Variants in C2 observed in about 807,000 individuals in gnomAD.
The protein encoded by C2 is complement C2, also known as C3/C5 convertase.
C2 carries 64 observed loss-of-function variants against 85.2 expected under a neutral mutation model. That is an observed-to-expected ratio of 0.75 (90% confidence interval 0.61 to 0.92). The LOEUF is 0.92. Ranked by LOEUF, C2 falls within the 40% of genes least tolerant of loss-of-function variation. The pLI, the probability that C2 is intolerant of heterozygous loss-of-function variation, is 0.00. For missense variants in C2, 820 were observed against 971.6 expected, an observed-to-expected ratio of 0.84 and a Z score of 2.07; for synonymous variants, 311 against 370.8, an observed-to-expected ratio of 0.84 and a Z score of 1.85.
In C2 at chr6:31,927,736, C is replaced by T. The variant is rs1452267491; in HGVS notation, c.-17C>T. Reference sequence around the variant, plus strand: ...TCCCGCGGCTCTCTACCTCTCGCCGCCCCTAGGGAGGACACCATGGGCCCA... The same window carrying T: ...TCCCGCGGCTCTCTACCTCTCGCCGTCCCTAGGGAGGACACCATGGGCCCA... On this transcript the variant is annotated 5_prime_UTR_variant, in exon 1 of 18. Coordinates refer to ENST00000299367, the MANE Select transcript of C2 (RefSeq NM_000063.6). The surrounding 1 kb of genome is among the most constrained non-coding windows in gnomAD (Gnocchi z 4.7). 1 of 1,613,080 alleles carries T rather than the reference C, an allele frequency of 6.2e-7. No individual in the cohort carries two copies. The highest frequency in any genetic ancestry group is 1.1e-5 in the South Asian group (1 of 91,086).
chr6:31,943,994 G>C lies in C2; in HGVS notation c.1810+1G>C. The C allele has an allele frequency of 6.2e-7, 1 of 1,612,866 alleles. No individual in the cohort carries two copies. The highest frequency in any genetic ancestry group is 1.1e-5 in the South Asian group (1 of 91,080). On this transcript the variant is annotated splice_donor_variant, in intron 14 of 17. Transcript: ENST00000299367. LOFTEE classifies it high-confidence loss of function. The surrounding 1 kb of genome is among the most constrained non-coding windows in gnomAD (Gnocchi z 6.4). The stretch of plus-strand genomic sequence containing the variant: ...CAAGGCAGCACCTGTAGGGACCATG[G>C]TGAGTGCTGGGACTTATGGTGCTTG...
At chr6:31,936,168 G>A (rs969072854) in intron 7 of C2, 107 bp downstream of exon 7, 17 of 1,243,440 alleles carry the variant, frequency 1.4e-5, no homozygotes, top group Non-Finnish European at 1.9e-5. Flanking sequence ...CCTCTTGGTG[G>A]CACCTGAGTC....
chr6:31,903,446 A>G (rs1360986869), intron 1 of C2, among the ~76,000 whole-genome samples: 6 of 152,086 alleles, frequency 3.9e-5, no homozygotes, highest in Non-Finnish European at 8.8e-5. Flanking sequence ...CCTGGCCAAC[A>G]TGGTGAAACC....
chr6:31,929,391 T>C (rs780267086), intron 3 of C2, among the ~76,000 whole-genome samples: 5 of 152,180 alleles, frequency 3.3e-5, no homozygotes. Context: ...TGACCTGAGA[T>C]TGCCATCTGG....
upstream of C2, chr6:31,899,923 C>T (rs760451279): frequency 4.5e-6 from 7 of 1,571,560 alleles, no homozygotes; most frequent in African/African-American, 4.0e-5. Context: ...CACGCCTGCG[C>T]GGCTAGCGGA....
At position 31,943,504 on chromosome 6, in the gene C2, A is replaced by G. The variant is rs535505333; in HGVS notation, c.1544A>G (p.His515Arg). ...AAHCFRDGND[H>R]SLWRVNVGDP... The stretch of plus-strand genomic sequence containing the variant: ...CATTGCTTCCGCGATGGCAACGACC[A>G]CTCCCTGTGGAGGGTCAATGTGGGT... The change falls in exon 12 of 18, where the codon CAC becomes CGC. Residue 515 changes from histidine (H) to arginine (R), a missense_variant. Physicochemically the swap from His to Arg is conservative, Grantham distance 29. Coordinates refer to ENST00000299367, the MANE Select transcript of C2 (RefSeq NM_000063.6). The surrounding 1 kb of genome is among the most constrained non-coding windows in gnomAD (Gnocchi z 6.4). 8 of 1,612,814 alleles carry G rather than the reference A, an allele frequency of 5.0e-6. No individual in the cohort carries two copies. The East Asian group carries it at 6.7e-5, about 13-fold the overall frequency.
chr6:31,909,603 CTT>C (rs879276738), intron 1 of C2, among the ~76,000 whole-genome samples: 1 of 144,384 alleles, frequency 6.9e-6, no homozygotes. Flanking sequence ...CCGCCCACCT[CTT>C]TTTTTTTTTT....
chr6:31,933,518 TG>T, intron 3 of C2, 91 bp from the exon 4 acceptor site: 1 of 1,401,120 alleles, frequency 7.1e-7, no homozygotes. Flanking sequence ...GGGTTGGAAC[TG>T]GGAAGCTTCT....
chr6:31,939,193 A>G (rs1461494535), intron 8 of C2, 38 bp from the exon 9 acceptor site: 2 of 1,436,572 alleles, frequency 1.4e-6, no homozygotes, highest in South Asian at 1.1e-5. Context: ...GGAAATCCTG[A>G]TATTACCTAG....
intron 1 of C2, among the ~76,000 whole-genome samples, chr6:31,912,241 A>C (rs1329313136): frequency 6.6e-6 from 1 of 152,160 alleles, no homozygotes. Flanking sequence ...GCAGTTGTAC[A>C]CCAGCCATGA....
Position 31,943,713 on chromosome 6 carries a change from T to G in C2, c.1637T>G (p.Val546Gly), listed in dbSNP as rs758469964. The change falls in exon 13 of 18, where the codon GTC (valine) becomes GGC (glycine). Residue 546 changes from valine (V) to glycine (G), a missense_variant. By Grantham distance (109) the Val-to-Gly change is moderately radical. Transcript: ENST00000299367. This position sits in a 1 kb window ranked among gnomAD's most constrained non-coding sequence, Gnocchi z 6.4. ...EKAVISPGFD[V>G]FAKKNQGILE... ...GCGGTGATCTCCCCAGGGTTTGATG[T>G]CTTTGCCAAAAAGAACCAGGGAATC... 1 of 1,613,026 alleles carries G rather than the reference T, an allele frequency of 6.2e-7. No homozygotes were observed. The highest frequency in any genetic ancestry group is 8.5e-7 in the Non-Finnish European group (1 of 1,179,998).
At chr6:31,918,392 G>C (rs1768709039), upstream of C2, among the ~76,000 whole-genome samples, 1 of 152,070 alleles carries the variant, frequency 6.6e-6, no homozygotes, top group Non-Finnish European at 1.5e-5. Flanking sequence ...TTTGAGGCCA[G>C]TCCGGGCAAC....
chr6:31,900,475 G>T (rs1295867143), upstream of C2: 1 of 1,602,406 alleles, frequency 6.2e-7, no homozygotes, highest in Admixed American at 1.7e-5. The surrounding 1 kb of genome is among the most constrained non-coding windows in gnomAD (Gnocchi z 9.7). Flanking sequence ...TCAACAGCAG[G>T]CCCTCCCCTT....
At chr6:31,914,337 A>AATCCCAGC (rs1428795595) in intron 1 of C2, among the ~76,000 whole-genome samples, 4 of 150,058 alleles carry the variant, frequency 2.7e-5, no homozygotes, top group Non-Finnish European at 4.4e-5. Flanking sequence ...TCACTCCTGT[A>AATCCCAGC]ATCCCAGCAC....
intron 9 of C2, among the ~76,000 whole-genome samples, chr6:31,940,034 C>T (rs2151764943): frequency 6.6e-6 from 1 of 152,312 alleles, no homozygotes. Flanking sequence ...CCTTGGTCTC[C>T]CAAGGTGCTG....
At chr6:31,906,355 AG>A (rs904658621) in intron 1 of C2, among the ~76,000 whole-genome samples, 1 of 151,772 alleles carries the variant, frequency 6.6e-6, no homozygotes, top group African/African-American at 2.4e-5. Flanking sequence ...CCTTCTTCAG[AG>A]CTCCTTATCC....
chr6:31,919,717 G>C (rs754873772), upstream of C2, among the ~76,000 whole-genome samples: 1 of 152,080 alleles, frequency 6.6e-6, no homozygotes, highest in East Asian at 1.9e-4. Flanking sequence ...GTTTAAAAGT[G>C]TATATTATAT....
intron 1 of C2, among the ~76,000 whole-genome samples, chr6:31,903,255 T>C (rs1767496483): frequency 6.6e-6 from 1 of 152,252 alleles, no homozygotes; most frequent in Non-Finnish European, 1.5e-5. Context: ...TCTTATTATG[T>C]GTTCAATATC....
upstream of C2, chr6:31,927,642 C>A: frequency 3.1e-6 from 5 of 1,606,560 alleles, no homozygotes; most frequent in Non-Finnish European, 4.2e-6. This position sits in a 1 kb window ranked among gnomAD's most constrained non-coding sequence, Gnocchi z 4.7. Flanking sequence ...CCTGGTTTTT[C>A]TTCTCTGGCA....
Sources: allele counts gnomAD v4.1 joint callset (sites outside exome capture counted in the v4.1 genomes callset), GRCh38; gene constraint gnomAD v4.1.1; non-coding constraint Gnocchi (gnomAD v3.1); transcripts MANE v1.5; gene names NCBI Gene and HGNC (gene_info 2026-07-23, HGNC 2026-07-21).